ARHGAP28: variants seen among roughly 807,000 people sequenced by gnomAD.
The protein encoded by ARHGAP28 is rho GTPase-activating protein 28.
ARHGAP28 carries 56 observed loss-of-function variants against 90.7 expected under a neutral mutation model. That is an observed-to-expected ratio of 0.62 (90% CI 0.50 to 0.77). The LOEUF is 0.77. Among genes scored for constraint, ARHGAP28 ranks in the 30% least tolerant of loss-of-function variants. ARHGAP28 has a pLI of 0.00. For synonymous variants in ARHGAP28, 308 were observed against 323.3 expected, an observed-to-expected ratio of 0.95 and a Z score of 0.51; for missense variants, 869 against 900.9, an observed-to-expected ratio of 0.96 and a Z score of 0.45.
At chr18:6,889,243 T>G (rs2057245475) in intron 12 of ARHGAP28, among the ~76,000 whole-genome samples, 1 of 152,190 alleles carries the variant, frequency 6.6e-6, no homozygotes, top group Admixed American at 6.5e-5. Context: ...CACAGCAAAC[T>G]TATATTAAGC....
chr18:6,877,747 C>T (rs1403844177), intron 10 of ARHGAP28, among the ~76,000 whole-genome samples: 3 of 152,134 alleles, frequency 2.0e-5, no homozygotes, highest in East Asian at 1.9e-4. Flanking sequence ...TCGTGTGTTT[C>T]GTTCTTACAT....
chr18:6,854,759 G>T (rs973910503), intron 4 of ARHGAP28, among the ~76,000 whole-genome samples: 46 of 151,604 alleles, frequency 3.0e-4, no homozygotes, highest in African/African-American at 1.1e-3. Flanking sequence ...CTGCCCACCT[G>T]CAGCTGCCCA....
chr18:6,884,681 T>G (rs1451026400), intron 11 of ARHGAP28, among the ~76,000 whole-genome samples: 1 of 152,162 alleles, frequency 6.6e-6, no homozygotes. Flanking sequence ...GTTCAATCCT[T>G]CGCCGTGTTA....
At chr18:6,853,391 A>G (rs2056925629) in intron 4 of ARHGAP28, among the ~76,000 whole-genome samples, 1 of 152,140 alleles carries the variant, frequency 6.6e-6, no homozygotes, top group African/African-American at 2.4e-5. Context: ...CTTCATCTGC[A>G]TGATAAAACC....
intron 1 of ARHGAP28, among the ~76,000 whole-genome samples, chr18:6,822,171 G>A (rs183043685): frequency 4.6e-5 from 7 of 152,110 alleles, no homozygotes; most frequent in Admixed American, 1.3e-4. Flanking sequence ...TATATTAGAC[G>A]TAAACACTTA....
At chr18:6,827,513 C>T (rs1321298481) in intron 2 of ARHGAP28, among the ~76,000 whole-genome samples, 6 of 143,922 alleles carry the variant, frequency 4.2e-5, no homozygotes, top group South Asian at 4.5e-4. Flanking sequence ...CCCTCACCTC[C>T]CGGACGGGGC....
At chr18:6,830,541 A>T (rs534660237) in intron 2 of ARHGAP28, among the ~76,000 whole-genome samples, 2 of 151,710 alleles carry the variant, frequency 1.3e-5, no homozygotes, top group East Asian at 1.9e-4. Context: ...TCATTGTTCA[A>T]CTCCCACTTA....
chr18:6,743,157 G>A (rs951145741), intron 1 of ARHGAP28, among the ~76,000 whole-genome samples: 1 of 152,094 alleles, frequency 6.6e-6, no homozygotes, highest in Non-Finnish European at 1.5e-5. Context: ...ATTAAAAAAT[G>A]TACCCAAAAG....
At chr18:6,903,810 C>T (rs576391208) in intron 16 of ARHGAP28, among the ~76,000 whole-genome samples, 2 of 106,552 alleles carry the variant, frequency 1.9e-5, no homozygotes, top group Non-Finnish European at 3.5e-5. Flanking sequence ...GTCTGGGTGA[C>T]AGCAAGACTC....
At chr18:6,822,338 A>G (rs1420222744) in intron 1 of ARHGAP28, among the ~76,000 whole-genome samples, 1 of 152,150 alleles carries the variant, frequency 6.6e-6, no homozygotes, top group Non-Finnish European at 1.5e-5. Flanking sequence ...AGTCTGGTAC[A>G]TGGAGGGCAG....
intron 1 of ARHGAP28, among the ~76,000 whole-genome samples, chr18:6,780,460 C>T (rs2056315412): frequency 1.3e-5 from 2 of 152,076 alleles, no homozygotes; most frequent in South Asian, 4.1e-4. Context: ...TATGCAAACA[C>T]TACGCCATTT....
chr18:6,894,799 T>C (rs2057292891), intron 14 of ARHGAP28, 36 bp from the exon 15 acceptor site: 1 of 1,598,464 alleles, frequency 6.3e-7, no homozygotes, highest in Non-Finnish European at 8.6e-7. Context: ...ATGCTTGTTT[T>C]CTCAACATTA....
chr18:6,910,998 C>A (rs1339304667), intron 17 of ARHGAP28, among the ~76,000 whole-genome samples: 2 of 151,982 alleles, frequency 1.3e-5, no homozygotes, highest in African/African-American at 2.4e-5. Context: ...GCGCCCATCA[C>A]CACGCCCGGC....
chr18:6,743,835 T>C (rs939274244), intron 1 of ARHGAP28, among the ~76,000 whole-genome samples: 1 of 152,228 alleles, frequency 6.6e-6, no homozygotes, highest in East Asian at 1.9e-4. Context: ...CTCTATGCCA[T>C]ATGTGATATT....
intron 1 of ARHGAP28, among the ~76,000 whole-genome samples, chr18:6,793,450 A>C (rs765083879): frequency 3.3e-5 from 5 of 152,176 alleles, no homozygotes; most frequent in Non-Finnish European, 5.9e-5. Flanking sequence ...AGCCAAAGGG[A>C]ATGGACGGCT....
intron 16 of ARHGAP28, among the ~76,000 whole-genome samples, chr18:6,905,162 A>C (rs2057358585): frequency 6.6e-6 from 1 of 152,190 alleles, no homozygotes; most frequent in African/African-American, 2.4e-5. Flanking sequence ...TAGAATTTAA[A>C]AATTATCAGC....
chr18:6,840,421 A>T (rs2056797282), intron 3 of ARHGAP28, among the ~76,000 whole-genome samples: 1 of 152,154 alleles, frequency 6.6e-6, no homozygotes, highest in African/African-American at 2.4e-5. Flanking sequence ...AAGACTTTGG[A>T]CTTCTAGTAA....
chr18:6,900,192 G>T (rs1466349824), intron 16 of ARHGAP28, among the ~76,000 whole-genome samples: 1 of 151,930 alleles, frequency 6.6e-6, no homozygotes, highest in Non-Finnish European at 1.5e-5. Flanking sequence ...TCATCAGGAA[G>T]ACTACATGCC....
chr18:6,761,320 A>G (rs772280609), intron 1 of ARHGAP28, among the ~76,000 whole-genome samples: 4 of 152,130 alleles, frequency 2.6e-5, no homozygotes, highest in East Asian at 1.9e-4. Context: ...TTCTTCATGT[A>G]TATTACATTA....
Sources: allele counts gnomAD v4.1 joint callset (sites outside exome capture counted in the v4.1 genomes callset), GRCh38; gene constraint gnomAD v4.1.1; transcripts MANE v1.5; gene names NCBI Gene and HGNC (gene_info 2026-07-23, HGNC 2026-07-21).